Variants in TMPRSS15 observed in about 807,000 individuals in gnomAD.
TMPRSS15 encodes the protein enteropeptidase.
In TMPRSS15, 128 loss-of-function variants were observed where a neutral mutation model predicts 125.3. That is an observed-to-expected ratio of 1.02 (90% CI 0.89 to 1.18). TMPRSS15 has a LOEUF of 1.18. Among genes scored for constraint, TMPRSS15 ranks in the 50% most tolerant of loss-of-function variants. The probability of loss-of-function intolerance (pLI) is 0.00; values close to 1 mark genes in which losing one functional copy is unlikely to be tolerated. For missense variants in TMPRSS15, 1,283 were observed against 1,212.7 expected, an observed-to-expected ratio of 1.06 and a Z score of -0.86; for synonymous variants, 446 against 423.2, an observed-to-expected ratio of 1.05 and a Z score of -0.66.
Position 18,475,711 on chromosome 21 carries a change from T to C in TMPRSS15, c.10+10088A>G, listed in dbSNP as rs187684982. Among the ~76,000 whole-genome samples the C allele has an allele frequency of 4.2e-4, 64 of 152,322 alleles. 1 individual carries two copies. Among genetic ancestry groups the C allele is most frequent in the African/African-American group, 1.4e-3 (58 of 41,566 alleles). On this transcript the variant is annotated intron_variant, in intron 1 of 7. Transcript: ENST00000422787. ...TCCTGTTAATTTTGAGTAAATGATA[T>C]AGGTTGTTTGGCTGAAAACTGCCCT...
At chr21:18,421,682 T>C (rs1430564535) in intron 1 of TMPRSS15, among the ~76,000 whole-genome samples, 2 of 152,194 alleles carry the variant, frequency 1.3e-5, no homozygotes, top group African/African-American at 4.8e-5. Flanking sequence ...TTGTACTCTG[T>C]CTTTTGAATG....
At chr21:18,478,822 G>A (rs1199859911) in intron 1 of TMPRSS15, among the ~76,000 whole-genome samples, 4 of 151,946 alleles carry the variant, frequency 2.6e-5, no homozygotes, top group Non-Finnish European at 5.9e-5. Context: ...AATTATTGGT[G>A]AGATTAACCT....
Position 18,403,532 on chromosome 21 carries a change from G to T in TMPRSS15, c.91C>A (p.Leu31Ile). The T allele has an allele frequency of 6.2e-7, 1 of 1,614,172 alleles. No individual in the cohort carries two copies. The highest frequency in any genetic ancestry group is 1.1e-5 in the South Asian group (1 of 91,082). ...FAALFAILVVLCAGLIAVSCL... is the reference protein window; with the variant it reads ...FAALFAILVVICAGLIAVSCL... ...GATACTGCAATTAATCCAGCACAGA[G>T]CACTACCAATATGGCAAAGAGAGCT... Residue 31 changes from leucine to isoleucine, a missense_variant, in exon 1 of 25, where the codon CTC becomes ATC. Transcript: ENST00000284885.
At chr21:18,347,893 G>A (rs2075525855) in intron 10 of TMPRSS15, among the ~76,000 whole-genome samples, 1 of 152,276 alleles carries the variant, frequency 6.6e-6, no homozygotes, top group Non-Finnish European at 1.5e-5. Flanking sequence ...CAATTTGGGA[G>A]TCCAAGGCAG....
chr21:18,285,979 T>C (rs1235873005), intron 21 of TMPRSS15, among the ~76,000 whole-genome samples: 2 of 152,226 alleles, frequency 1.3e-5, no homozygotes, highest in East Asian at 1.9e-4. Flanking sequence ...TTTTAAAATA[T>C]GGGTATATGC....
intron 16 of TMPRSS15, 43 bp downstream of exon 16, chr21:18,326,389 G>T (rs1189937596): frequency 2.5e-6 from 4 of 1,613,524 alleles, no homozygotes; most frequent in Non-Finnish European, 2.5e-6. Context: ...TTGCTGTTTT[G>T]CTCCAAAAGT....
chr21:18,323,476 C>T (rs1482332229), intron 16 of TMPRSS15, among the ~76,000 whole-genome samples: 1 of 152,080 alleles, frequency 6.6e-6, no homozygotes, highest in Non-Finnish European at 1.5e-5. Context: ...GAAAAACCCA[C>T]CCCCATTACT....
chr21:18,400,932 ACT>A (rs2076088980), intron 1 of TMPRSS15, among the ~76,000 whole-genome samples: 1 of 152,174 alleles, frequency 6.6e-6, no homozygotes. Context: ...ATGAACAAGC[ACT>A]TGTCAAAAAA....
At chr21:18,451,542 GT>G (rs1978339720) in intron 1 of TMPRSS15, among the ~76,000 whole-genome samples, 1 of 152,172 alleles carries the variant, frequency 6.6e-6, no homozygotes, top group Non-Finnish European at 1.5e-5. Context: ...AAGCATTGAG[GT>G]GTTTAAGCTG....
chr21:18,296,570 A>G (rs2074910352), intron 19 of TMPRSS15, among the ~76,000 whole-genome samples: 1 of 152,232 alleles, frequency 6.6e-6, no homozygotes. Flanking sequence ...TAAGCATAGA[A>G]TAAGCTAGTT....
At chr21:18,304,677 TATAAA>T (rs1449630692) in intron 18 of TMPRSS15, among the ~76,000 whole-genome samples, 5 of 152,296 alleles carry the variant, frequency 3.3e-5, no homozygotes, top group Non-Finnish European at 5.9e-5. Context: ...GCTAGATACA[TATAAA>T]ATATCATTTA....
rs557806642 is a variant in TMPRSS15, at chr21:18,440,386, A to AAAAAAG, written c.11-42058_11-42057insCTTTTT. ...AAACTCCGTCTCAAAAAAAAAAAAA[A>AAAAAAG]AAAGAAAACTGTAGTGATGTGTATT... On this transcript the variant is annotated intron_variant, in intron 1 of 7. Transcript: ENST00000422787. Among the ~76,000 whole-genome samples, 1,192 of 133,590 alleles carry AAAAAAG rather than the reference A, an allele frequency of 8.9e-3. 59 individuals are homozygous for AAAAAAG. The highest frequency in any genetic ancestry group is 0.033 in the East Asian group (141 of 4,246). 87.6% of individuals were successfully genotyped at this position (133,590 alleles called of 152,430 possible).
intron 1 of TMPRSS15, among the ~76,000 whole-genome samples, chr21:18,421,673 T>C (rs1453284292): frequency 1.3e-5 from 2 of 152,212 alleles, no homozygotes; most frequent in Admixed American, 1.3e-4. Context: ...GTTTGAGGAT[T>C]GTACTCTGTC....
chr21:18,322,314 A>T (rs1346460750), intron 16 of TMPRSS15, among the ~76,000 whole-genome samples: 1 of 152,216 alleles, frequency 6.6e-6, no homozygotes, highest in Admixed American at 6.5e-5. Context: ...CTCCTCAAAG[A>T]ACTAAGAAAT....
chr21:18,300,679 A>T (rs1257241692), intron 18 of TMPRSS15, among the ~76,000 whole-genome samples: 1 of 152,180 alleles, frequency 6.6e-6, no homozygotes, highest in East Asian at 1.9e-4. Flanking sequence ...TCACACCAAA[A>T]TTTGGAGAAA....
chr21:18,401,265 C>G (rs1028908679), intron 1 of TMPRSS15, among the ~76,000 whole-genome samples: 1 of 152,100 alleles, frequency 6.6e-6, no homozygotes, highest in Non-Finnish European at 1.5e-5. Context: ...TTCTACCAAA[C>G]AGACACACGC....
At chr21:18,307,934 T>C (rs887706774) in intron 18 of TMPRSS15, among the ~76,000 whole-genome samples, 3 of 152,212 alleles carry the variant, frequency 2.0e-5, no homozygotes, top group African/African-American at 7.2e-5. Flanking sequence ...CTTTTTATAA[T>C]CACATGGTGA....
At chr21:18,315,112 G>A in intron 17 of TMPRSS15, 34 bp downstream of exon 17, 1 of 1,533,216 alleles carries the variant, frequency 6.5e-7, no homozygotes, top group Non-Finnish European at 9.0e-7. Context: ...AGAGGCTAAA[G>A]TCATAAAAGT....
In TMPRSS15 at chr21:18,269,349, A is replaced by C. The variant is rs570993625; in HGVS notation, c.*620T>G. Reference sequence around the variant, plus strand: ...ATACAATGACTATATCAGTTAATTTATCTTTTATTTAATTAACTTATTTAA... The same window carrying C: ...ATACAATGACTATATCAGTTAATTTCTCTTTTATTTAATTAACTTATTTAA... On this transcript the variant is annotated 3_prime_UTR_variant, in exon 25 of 25. Coordinates refer to ENST00000284885, the MANE Select transcript of TMPRSS15 (RefSeq NM_002772.3). 1.3e-5 allele frequency: 2 copies of C among 152,286 alleles called. No homozygotes were observed. Among genetic ancestry groups the C allele is most frequent in the African/African-American group, 4.8e-5 (2 of 41,464 alleles). The allele number at this position is 152,286 out of a possible 1,614,324, so 9.4% of individuals were successfully genotyped here.
Sources: allele counts gnomAD v4.1 joint callset (sites outside exome capture counted in the v4.1 genomes callset), GRCh38; gene constraint gnomAD v4.1.1; transcripts MANE v1.5; gene names NCBI Gene and HGNC (gene_info 2026-07-23, HGNC 2026-07-21).